The following UBR3 variants were observed in gnomAD, a reference collection of about 807,000 sequenced individuals.
UBR3 encodes the protein ubiquitin protein ligase E3 component n-recognin 3.
Under a neutral mutation model 243.2 loss-of-function variants are expected in UBR3, and 85 were observed. The ratio of observed to expected loss-of-function variants is 0.35; its 90% CI spans 0.29 to 0.42. UBR3 has a LOEUF of 0.42. UBR3 is among the 10% of genes least tolerant of loss of function. The probability of loss-of-function intolerance (pLI) is 1.00; values close to 1 mark genes in which losing one functional copy is unlikely to be tolerated. For synonymous variants in UBR3, 748 were observed against 799.8 expected, an observed-to-expected ratio of 0.94 and a Z score of 1.09; for missense variants, 1,686 against 2,300.8, an observed-to-expected ratio of 0.73 and a Z score of 5.47.
At chr2:170,009,074 G>C in intron 29 of UBR3, 134 bp downstream of exon 29, 1 of 533,658 alleles carries the variant, frequency 1.9e-6, no homozygotes, top group Non-Finnish European at 3.0e-6. Flanking sequence ...TAGTTTTAGT[G>C]CCTGCTAGGA....
intron 1 of UBR3, among the ~76,000 whole-genome samples, chr2:169,852,874 A>AAAC (rs2082709526): frequency 1.2e-5 from 1 of 82,564 alleles, no homozygotes; most frequent in Admixed American, 1.4e-4. Context: ...AAAAAAAAAA[A>AAAC]AAAACAAAAC....
At chr2:169,893,561 T>C (rs1174382699) in intron 6 of UBR3, among the ~76,000 whole-genome samples, 3 of 152,188 alleles carry the variant, frequency 2.0e-5, no homozygotes, top group African/African-American at 4.8e-5. Flanking sequence ...TGGATTATAA[T>C]TTATTTTTTT....
rs114014999 is a variant in UBR3, at chr2:169,934,548, A to G, written c.2663+1540A>G. Among the ~76,000 whole-genome samples the G allele has an allele frequency of 8.3e-3, 1,257 of 152,218 alleles. 13 individuals are homozygous for G. The highest frequency in any genetic ancestry group is 0.026 in the African/African-American group (1,070 of 41,526). On this transcript the variant is annotated intron_variant, in intron 19 of 38. Coordinates refer to ENST00000272793, the MANE Select transcript of UBR3 (RefSeq NM_172070.4). ...ACCGTGCCTGGCCGATTTGTTTGCT[A>G]TTGATCATTTTCATCTGCTTTTTAA...
intron 35 of UBR3, among the ~76,000 whole-genome samples, chr2:170,072,428 A>G (rs908952209): frequency 4.1e-5 from 6 of 146,356 alleles, no homozygotes; most frequent in Admixed American, 6.8e-5. Flanking sequence ...GTTGTGGGGT[A>G]GCGGGAGGGG....
At chr2:170,027,534 T>C (rs1328296815) in intron 30 of UBR3, among the ~76,000 whole-genome samples, 2 of 151,814 alleles carry the variant, frequency 1.3e-5, no homozygotes, top group Non-Finnish European at 3.0e-5. Context: ...GTTAGTACAA[T>C]TGCAGCTTCT....
At chr2:169,926,801 A>C in intron 15 of UBR3, 37 bp from the exon 16 acceptor site, 1 of 1,544,640 alleles carries the variant, frequency 6.5e-7, no homozygotes, top group Admixed American at 2.0e-5. Flanking sequence ...TTTTGTTTTA[A>C]TTTATAAAAA....
At chr2:169,916,651 C>G (rs748879527) in intron 11 of UBR3, among the ~76,000 whole-genome samples, 19 of 152,060 alleles carry the variant, frequency 1.2e-4, no homozygotes, top group Non-Finnish European at 2.4e-4. Context: ...ATCTCCTTAC[C>G]CAGCTTGGAT....
intron 27 of UBR3, among the ~76,000 whole-genome samples, chr2:170,005,112 T>C (rs1451621899): frequency 1.3e-5 from 2 of 151,990 alleles, no homozygotes; most frequent in Non-Finnish European, 2.9e-5. Flanking sequence ...TAGTCCCAGC[T>C]ACTCAGGAGG....
chr2:170,080,748 T>A, intron 38 of UBR3, 64 bp downstream of exon 38: 1 of 1,496,156 alleles, frequency 6.7e-7, no homozygotes. Flanking sequence ...ACCAATATGC[T>A]ATTCCTGGCT....
chr2:169,936,903 T>G (rs1323329542), intron 19 of UBR3, among the ~76,000 whole-genome samples: 1 of 152,248 alleles, frequency 6.6e-6, no homozygotes, highest in African/African-American at 2.4e-5. Flanking sequence ...TGCCACATTT[T>G]CTTAATCCAG....
chr2:169,830,502 C>T (rs2081898006), intron 1 of UBR3, among the ~76,000 whole-genome samples: 2 of 152,122 alleles, frequency 1.3e-5, no homozygotes, highest in African/African-American at 2.4e-5. Context: ...GAAAGTAGGG[C>T]AGAGTTAAAA....
At chr2:170,006,953 G>A (rs2089933301) in intron 27 of UBR3, 37 bp from the exon 28 acceptor site, 1 of 1,587,574 alleles carries the variant, frequency 6.3e-7, no homozygotes, top group Non-Finnish European at 8.6e-7. Context: ...CTATGAATGT[G>A]TATATCACGC....
At chr2:169,932,556 G>T (rs1378108789) in intron 18 of UBR3, among the ~76,000 whole-genome samples, 3 of 152,106 alleles carry the variant, frequency 2.0e-5, no homozygotes, top group African/African-American at 7.2e-5. Flanking sequence ...AAGGCATCAT[G>T]CCCTGCTTAA....
chr2:169,920,149 A>G (rs2085636014), intron 11 of UBR3, among the ~76,000 whole-genome samples: 1 of 152,214 alleles, frequency 6.6e-6, no homozygotes, highest in African/African-American at 2.4e-5. Context: ...AAAAATGATG[A>G]GTTCATGTCC....
rs959465169 is a variant in UBR3 at position 169,948,910 on chromosome 2, TA to T, written c.3085-685del. 4.3e-3 allele frequency among the ~76,000 whole-genome samples: 640 copies of T among 148,598 alleles called. 1 individual carries two copies. Among genetic ancestry groups the T allele is most frequent in the African/African-American group, 0.015 (605 of 40,718 alleles). On this transcript the variant is annotated intron_variant, in intron 22 of 38. Coordinates refer to ENST00000272793, the MANE Select transcript of UBR3 (RefSeq NM_172070.4). ...GAATTATTGAGGAAAATACTTAGTTTAAAAAAAAAACTGTTCAAAAAACAAA... is the reference window on the plus strand; with the variant it reads ...GAATTATTGAGGAAAATACTTAGTTTAAAAAAAAACTGTTCAAAAAACAAA...
intron 5 of UBR3, among the ~76,000 whole-genome samples, chr2:169,882,230 T>C (rs1476709924): frequency 7.5e-6 from 1 of 134,198 alleles, no homozygotes; most frequent in South Asian, 2.3e-4. Context: ...ATTATATACA[T>C]ATATTTATAT....
intron 8 of UBR3, among the ~76,000 whole-genome samples, chr2:169,900,213 A>C (rs996406587): frequency 4.6e-5 from 7 of 152,142 alleles, no homozygotes; most frequent in African/African-American, 1.7e-4. Context: ...ATGGTATCTC[A>C]TTGTGGTTTT....
chr2:170,046,673 T>C (rs1461895041), intron 32 of UBR3, among the ~76,000 whole-genome samples: 1 of 152,256 alleles, frequency 6.6e-6, no homozygotes, highest in African/African-American at 2.4e-5. Context: ...ATTTATTCCT[T>C]AATTATTTCA....
At chr2:170,057,140 C>T (rs1034230482) in intron 33 of UBR3, among the ~76,000 whole-genome samples, 15 of 139,538 alleles carry the variant, frequency 1.1e-4, no homozygotes, top group Admixed American at 7.3e-4. Flanking sequence ...TTTTTTGAGA[C>T]AGGGTCTCAT....
Sources: gnomAD v4.1 joint callset for allele counts (sites outside exome capture counted in the v4.1 genomes callset) on GRCh38, gnomAD v4.1.1 for gene constraint, MANE v1.5 for transcripts, NCBI Gene and HGNC (gene_info 2026-07-23, HGNC 2026-07-21) for gene names.